The following KIF3A variants were observed in gnomAD, a reference collection of about 807,000 sequenced individuals.
The protein encoded by KIF3A is kinesin family member 3A.
A neutral mutation model predicts 92.6 loss-of-function variants in KIF3A; 27 were observed. That is an observed-to-expected ratio of 0.29 (90% confidence interval 0.21 to 0.40). The LOEUF (loss-of-function observed/expected upper bound fraction) is 0.40, where lower values mean the gene tolerates loss of function less well. Ranked by LOEUF, KIF3A falls within the 10% of genes least tolerant of loss-of-function variation. The probability of loss-of-function intolerance (pLI) is 1.00; values close to 1 mark genes in which losing one functional copy is unlikely to be tolerated. For synonymous variants in KIF3A, 250 were observed against 275.4 expected (o/e 0.91, Z 0.92); for missense variants, 581 against 872.6 (o/e 0.67, Z 4.21).
At chr5:132,699,794 C>T (rs2149892883) in intron 17 of KIF3A, among the ~76,000 whole-genome samples, 1 of 151,926 alleles carries the variant, frequency 6.6e-6, no homozygotes, top group East Asian at 1.9e-4. Context: ...GATCTCCTGA[C>T]CTCGTGATCC....
At position 132,724,842 on chromosome 5, in the gene KIF3A, TATATATATATATATTA is replaced by T. The variant is rs1753981356; in HGVS notation, c.510+1270_510+1285del. On this transcript the variant is annotated intron_variant, in intron 4 of 18. Transcript: ENST00000403231. Reference sequence around the variant, plus strand: ...ATATATATATATATATATATATATATATATATATATATATTAAAAAATCATTCTAAGAAAGGGATTA... The same window carrying T: ...ATATATATATATATATATATATATATAAAAATCATTCTAAGAAAGGGATTA... Among the ~76,000 whole-genome samples, 4 of 26,650 alleles carry T rather than the reference TATATATATATATATTA, an allele frequency of 1.5e-4. 1 individual carries two copies. In the South Asian group the frequency reaches 6.0e-3, roughly 40 times the overall value. 17.5% of individuals were successfully genotyped at this position (26,650 alleles called of 152,430 possible). A position where few individuals can be genotyped will look rare whatever the true frequency, so the allele number is the denominator to read the frequency against.
rs527377551 is a variant in KIF3A at position 132,716,507 on chromosome 5, G to C, written c.757-65C>G. 6.9e-5 allele frequency: 92 copies of C among 1,333,538 alleles called. No homozygotes were observed. In the South Asian group the frequency reaches 1.2e-3, roughly 17 times the overall value. 82.6% of individuals were successfully genotyped at this position (1,333,538 alleles called of 1,614,324 possible). A position where few individuals can be genotyped will look rare whatever the true frequency, so the allele number is the denominator to read the frequency against. On this transcript the variant is annotated intron_variant, in intron 6 of 18. Transcript: ENST00000403231. ...TTAAAAATAGAATATTCTTCCCAAG[G>C]TTTTATTAAAAAGTAATGTAACAGT...
At chr5:132,698,203 G>T (rs550962407) in intron 18 of KIF3A, among the ~76,000 whole-genome samples, 1 of 152,178 alleles carries the variant, frequency 6.6e-6, no homozygotes, top group South Asian at 2.1e-4. Context: ...CATGTAACTT[G>T]AAAGTCCATG....
At chr5:132,707,651 G>C (rs1340497304) in intron 10 of KIF3A, among the ~76,000 whole-genome samples, 1 of 152,208 alleles carries the variant, frequency 6.6e-6, no homozygotes, top group East Asian at 1.9e-4. Context: ...TTGGTAACTT[G>C]CCTACAAATT....
chr5:132,700,124 T>G, intron 17 of KIF3A, 92 bp downstream of exon 17: 1 of 731,924 alleles, frequency 1.4e-6, no homozygotes, highest in Non-Finnish European at 2.2e-6. Flanking sequence ...TTAACAGATA[T>G]CAAGTTGATA....
chr5:132,708,446 A>C (rs1054099066), intron 10 of KIF3A, among the ~76,000 whole-genome samples: 1 of 152,144 alleles, frequency 6.6e-6, no homozygotes, highest in East Asian at 1.9e-4. Flanking sequence ...AGCTACCACT[A>C]AGAATAGGAC....
chr5:132,706,058 C>A (rs1753198828), intron 11 of KIF3A, among the ~76,000 whole-genome samples: 1 of 151,944 alleles, frequency 6.6e-6, no homozygotes, highest in Non-Finnish European at 1.5e-5. Context: ...TGTGCTCTAA[C>A]CAATATTGTG....
intron 2 of KIF3A, among the ~76,000 whole-genome samples, chr5:132,729,780 C>T (rs1486984296): frequency 6.6e-6 from 1 of 151,770 alleles, no homozygotes; most frequent in South Asian, 2.1e-4. Context: ...ATTAAACTCC[C>T]ATATTAGAAA....
At chr5:132,700,490 T>A in intron 16 of KIF3A, 157 bp downstream of exon 16, 1 of 656,840 alleles carries the variant, frequency 1.5e-6, no homozygotes, top group Non-Finnish European at 2.7e-6. Context: ...ATGTTACAAT[T>A]AATTACATGG....
rs1374770328 is a variant in KIF3A at position 132,693,226 on chromosome 5, G to A, written c.*3408C>T. On this transcript the variant is annotated 3_prime_UTR_variant, in exon 19 of 19. Coordinates refer to ENST00000403231, the MANE Select transcript of KIF3A (RefSeq NM_001300791.2). Reference sequence around the variant, plus strand: ...AAGGAAATGAAATGGCTTGTCAAATGGATTCTATTCATGGGGCAAACATGG... The same window carrying A: ...AAGGAAATGAAATGGCTTGTCAAATAGATTCTATTCATGGGGCAAACATGG... 6.6e-6 allele frequency: 1 copy of A among 151,344 alleles called. No individual in the cohort carries two copies. Among genetic ancestry groups the A allele is most frequent in the Non-Finnish European group, 1.5e-5 (1 of 67,908 alleles). 9.4% of individuals were successfully genotyped at this position (151,344 alleles called of 1,614,324 possible). A position where few individuals can be genotyped will look rare whatever the true frequency, so the allele number is the denominator to read the frequency against.
intron 5 of KIF3A, among the ~76,000 whole-genome samples, chr5:132,719,616 C>G (rs1435821758): frequency 6.6e-6 from 1 of 151,942 alleles, no homozygotes; most frequent in Admixed American, 6.6e-5. Context: ...CACAGCCTCC[C>G]GAGTAACTGG....
rs1027573965 is a variant in KIF3A at position 132,702,346 on chromosome 5, G to T, written c.1759-134C>A. On this transcript the variant is annotated intron_variant, in intron 14 of 18. Coordinates refer to ENST00000403231, the MANE Select transcript of KIF3A (RefSeq NM_001300791.2). ...TTCTTTTATAAAAATGATAAACAGC[G>T]TGACACTATCAGCATCTATTCTACA... The T allele has an allele frequency of 4.8e-6, 4 of 836,330 alleles. No homozygotes were observed. The South Asian group carries it at 7.8e-5, about 16-fold the overall frequency. The allele number at this position is 836,330 out of a possible 1,614,324, so 51.8% of individuals were successfully genotyped here.
Position 132,734,406 on chromosome 5 carries a change from T to C in KIF3A, c.79A>G (p.Arg27Gly), listed in dbSNP as rs1462013661. The C allele has an allele frequency of 1.2e-6, 2 of 1,614,026 alleles. No individual in the cohort carries two copies. Among genetic ancestry groups the C allele is most frequent in the African/African-American group, 2.7e-5 (2 of 74,930 alleles). Residue 27 changes from arginine (R) to glycine (G), a missense_variant, in exon 2 of 19, where the codon AGA becomes GGA. Coordinates refer to ENST00000403231, the MANE Select transcript of KIF3A (RefSeq NM_001300791.2). The part of the protein sequence containing the change: ...VVVRCRPLNE[R>G]EKSMCYKQAV... ...TGTTTGTAGCACATTGATTTCTCTC[T>C]CTCATTGAGGGGCCGGCACCTAACA...
chr5:132,700,365 C>A, intron 16 of KIF3A, 81 bp from the exon 17 acceptor site: 3 of 856,908 alleles, frequency 3.5e-6, no homozygotes, highest in South Asian at 1.5e-5. Context: ...ACTGAGAAAT[C>A]CTAACATTAC....
chr5:132,722,896 T>C (rs1225510877), intron 4 of KIF3A, among the ~76,000 whole-genome samples: 2 of 152,246 alleles, frequency 1.3e-5, no homozygotes, highest in Non-Finnish European at 2.9e-5. Context: ...TATTTTATTA[T>C]GTCATTAAGT....
At chr5:132,707,936 G>A (rs17166208) in intron 10 of KIF3A, among the ~76,000 whole-genome samples, 1,566 of 152,226 alleles carry the variant, frequency 0.01, 24 homozygotes, top group African/African-American at 0.036. Flanking sequence ...AAGTCTAGAT[G>A]GATCCTGCAT....
chr5:132,736,920 A>G (rs1233704101), intron 1 of KIF3A: 1 of 334,850 alleles, frequency 3.0e-6, no homozygotes, highest in South Asian at 2.4e-5. Context: ...ATTCTGCATC[A>G]TAAGCTAAAG....
In KIF3A at chr5:132,700,295, G is replaced by C; in HGVS notation, c.1939-11C>G. On this transcript the variant is annotated splice_polypyrimidine_tract_variant and intron_variant, in intron 16 of 18. Coordinates refer to ENST00000403231, the MANE Select transcript of KIF3A (RefSeq NM_001300791.2). ...ATAAGCAACACATTTCTCAAAAAAA[G>C]AAAAGGGAGAGACAGAGAAATGTCT... is the stretch of plus-strand genomic sequence containing the variant. 4 of 1,538,836 alleles carry C rather than the reference G, an allele frequency of 2.6e-6. No homozygotes were observed. The highest frequency in any genetic ancestry group is 3.6e-6 in the Non-Finnish European group (4 of 1,121,506).
intron 8 of KIF3A, among the ~76,000 whole-genome samples, chr5:132,712,746 G>T (rs1753471563): frequency 6.6e-6 from 1 of 152,138 alleles, no homozygotes. Flanking sequence ...AAGAAAAGTA[G>T]ACAAACCCAA....
Sources: gnomAD v4.1 joint callset for allele counts (sites outside exome capture counted in the v4.1 genomes callset) on GRCh38, gnomAD v4.1.1 for gene constraint, MANE v1.5 for transcripts, NCBI Gene and HGNC (gene_info 2026-07-23, HGNC 2026-07-21) for gene names.